Variants in TEX11 observed in about 807,000 individuals in gnomAD.
The protein encoded by TEX11 is testis expressed 11.
Under a neutral mutation model 84.4 loss-of-function variants are expected in TEX11, and 7 were observed. The ratio of observed to expected loss-of-function variants is 0.08; its 90% CI spans 0.05 to 0.16. The LOEUF is 0.16. TEX11 is among the 10% of genes least tolerant of loss of function. TEX11 has a pLI of 1.00. For synonymous variants in TEX11, 264 were observed against 222.8 expected, an observed-to-expected ratio of 1.18 and a Z score of -1.64; for missense variants, 551 against 660.5, an observed-to-expected ratio of 0.83 and a Z score of 1.82.
At chrX:70,547,499 A>G (rs1236618177) in intron 28 of TEX11, among the ~76,000 whole-genome samples, 2 of 111,679 alleles carry the variant, frequency 1.8e-5, no homozygotes, top group Non-Finnish European at 3.8e-5. Flanking sequence ...GAATGGGAGA[A>G]AATTTTTGCA....
intron 9 of TEX11, among the ~76,000 whole-genome samples, chrX:70,801,829 C>A (rs1259884122): frequency 9.1e-6 from 1 of 110,257 alleles, no homozygotes; most frequent in Non-Finnish European, 1.9e-5. Context: ...GACAATTGGA[C>A]CTCAGAGTAA....
At chrX:70,768,219 T>C (rs2090952621) in intron 9 of TEX11, among the ~76,000 whole-genome samples, 1 of 111,370 alleles carries the variant, frequency 9.0e-6, no homozygotes, top group Admixed American at 9.6e-5. Flanking sequence ...TCACATTGCA[T>C]GCCTGTATTG....
rs764042087 is a variant in TEX11 at position 70,811,797 on chromosome X, T to C, written c.607-5007A>G. 1.5e-4 allele frequency among the ~76,000 whole-genome samples: 17 copies of C among 111,818 alleles called. No homozygotes were observed. The East Asian group carries it at 4.2e-3, about 28-fold the overall frequency. ...GCCAGTGATGATGAGCATTTTTTCATGTGTCTGTTGGCTGCATAAATGTCT... is the reference window on the plus strand; with the variant it reads ...GCCAGTGATGATGAGCATTTTTTCACGTGTCTGTTGGCTGCATAAATGTCT... On this transcript the variant is annotated intron_variant, in intron 8 of 29. Coordinates refer to ENST00000374333, the MANE Select transcript of TEX11 (RefSeq NM_031276.3).
chrX:70,809,384 T>C, intron 8 of TEX11, among the ~76,000 whole-genome samples: 1 of 111,680 alleles, frequency 9.0e-6, no homozygotes, highest in East Asian at 2.8e-4. Flanking sequence ...AACACTGGAG[T>C]GTAAACACTA....
chrX:70,660,471 C>T (rs1241106535), intron 16 of TEX11, among the ~76,000 whole-genome samples: 1 of 111,909 alleles, frequency 8.9e-6, no homozygotes, highest in African/African-American at 3.2e-5. Flanking sequence ...ATTTTTAACA[C>T]TTTAAAATCT....
chrX:70,741,764 T>G (rs1017898817), intron 10 of TEX11, among the ~76,000 whole-genome samples: 3 of 110,749 alleles, frequency 2.7e-5, no homozygotes, highest in Non-Finnish European at 5.7e-5. Flanking sequence ...AGTCATTTTC[T>G]TCCTCCCTTT....
chrX:70,701,278 T>C (rs1203885451), intron 13 of TEX11, among the ~76,000 whole-genome samples: 1 of 112,319 alleles, frequency 8.9e-6, no homozygotes, highest in Non-Finnish European at 1.9e-5. Context: ...ACTCTCTTGT[T>C]AGAGACTAAT....
chrX:70,894,501 C>T (rs1007664827), intron 2 of TEX11, among the ~76,000 whole-genome samples: 3 of 110,169 alleles, frequency 2.7e-5, no homozygotes, highest in African/African-American at 9.9e-5. Context: ...TGGCGCATGC[C>T]TGTAGTCCCA....
At chrX:70,750,445 A>G (rs750280345) in intron 9 of TEX11, among the ~76,000 whole-genome samples, 1 of 111,747 alleles carries the variant, frequency 8.9e-6, no homozygotes, top group African/African-American at 3.3e-5. Context: ...AGGACTATAA[A>G]TCATGCTGCT....
chrX:70,569,100 C>A (rs1475865699), intron 25 of TEX11, among the ~76,000 whole-genome samples: 1 of 111,473 alleles, frequency 9.0e-6, no homozygotes, highest in African/African-American at 3.3e-5. Context: ...AGGCTTTGTT[C>A]ATTTCTTTTT....
intron 7 of TEX11, among the ~76,000 whole-genome samples, chrX:70,844,697 A>G: frequency 9.0e-6 from 1 of 111,714 alleles, no homozygotes; most frequent in Non-Finnish European, 1.9e-5. Flanking sequence ...AGGCAGGTGG[A>G]TAACTTGAGG....
In TEX11 at chrX:70,715,069, C is replaced by T. The variant is rs373807271; in HGVS notation, c.1004+7549G>A. Among the ~76,000 whole-genome samples the T allele has an allele frequency of 4.6e-4, 51 of 111,417 alleles. No homozygotes were observed. The East Asian group carries it at 0.013, about 29-fold the overall frequency. On this transcript the variant is annotated intron_variant, in intron 13 of 29. Coordinates refer to ENST00000374333, the MANE Select transcript of TEX11 (RefSeq NM_031276.3). Reference sequence around the variant, plus strand: ...ACTTATGAAGCTTAGTTTGGCTGGACATGAAATTCTGGGTTGAAAATTCTT... The same window carrying T: ...ACTTATGAAGCTTAGTTTGGCTGGATATGAAATTCTGGGTTGAAAATTCTT...
chrX:70,682,895 G>A, intron 13 of TEX11, 70 bp from the exon 14 acceptor site: 1 of 1,017,362 alleles, frequency 9.8e-7, no homozygotes, highest in South Asian at 2.3e-5. Flanking sequence ...GGACTAAAAT[G>A]TATTTCAGTG....
At chrX:70,629,569 G>A (rs1168915129) in intron 18 of TEX11, 42 bp downstream of exon 18, 1 of 1,184,544 alleles carries the variant, frequency 8.4e-7, no homozygotes, top group East Asian at 3.0e-5. Context: ...TTTCAAAAAG[G>A]AAAAGGGATA....
intron 17 of TEX11, among the ~76,000 whole-genome samples, chrX:70,635,671 G>A (rs2147571615): frequency 8.9e-6 from 1 of 111,868 alleles, no homozygotes; most frequent in Non-Finnish European, 1.9e-5. Flanking sequence ...CTCAGCACTA[G>A]GCCAGCCCCA....
At chrX:70,760,020 A>T (rs1360307983) in intron 9 of TEX11, among the ~76,000 whole-genome samples, 1 of 111,536 alleles carries the variant, frequency 9.0e-6, no homozygotes, top group African/African-American at 3.3e-5. Context: ...CACAATTACT[A>T]CAAAGAGAAT....
intron 27 of TEX11, among the ~76,000 whole-genome samples, chrX:70,552,670 T>C (rs1200933283): frequency 8.9e-6 from 1 of 111,889 alleles, no homozygotes; most frequent in Non-Finnish European, 1.9e-5. Flanking sequence ...ACAAAAAAAG[T>C]CACACAACAT....
intron 4 of TEX11, among the ~76,000 whole-genome samples, chrX:70,870,316 A>G (rs2091623288): frequency 9.0e-6 from 1 of 111,175 alleles, no homozygotes; most frequent in African/African-American, 3.3e-5. Flanking sequence ...TCAATAAATG[A>G]CTAATAAATA....
chrX:70,569,911 C>T (rs371775625), intron 25 of TEX11, among the ~76,000 whole-genome samples: 2 of 111,802 alleles, frequency 1.8e-5, no homozygotes, highest in East Asian at 5.7e-4. Flanking sequence ...CAGCTGTGTG[C>T]TGGGAGAACC....
Sources: allele counts gnomAD v4.1 joint callset (sites outside exome capture counted in the v4.1 genomes callset), GRCh38; gene constraint gnomAD v4.1.1; transcripts MANE v1.5; gene names NCBI Gene and HGNC (gene_info 2026-07-23, HGNC 2026-07-21).